VPS39: variants seen among roughly 807,000 people sequenced by gnomAD.
VPS39 encodes vam6/Vps39-like protein.
Under a neutral mutation model 121.0 loss-of-function variants are expected in VPS39, and 70 were observed. The observed-to-expected ratio is 0.58, with a 90% CI of 0.48 to 0.71. The LOEUF (loss-of-function observed/expected upper bound fraction) is 0.71. Ranked by LOEUF, VPS39 falls within the 30% of genes least tolerant of loss-of-function variation. The pLI, the probability that VPS39 is intolerant of heterozygous loss-of-function variation, is 0.00. For synonymous variants in VPS39, 378 were observed against 398.1 expected (o/e 0.95, Z 0.60); for missense variants, 818 against 1,051.5 (o/e 0.78, Z 3.07).
chr15:42,179,988 T>C (rs2049548762), intron 8 of VPS39, among the ~76,000 whole-genome samples: 1 of 152,196 alleles, frequency 6.6e-6, no homozygotes, highest in Non-Finnish European at 1.5e-5. Flanking sequence ...GAGCTCATCT[T>C]TCTCTTACCC....
At chr15:42,183,302 A>G (rs2049626670) in intron 8 of VPS39, among the ~76,000 whole-genome samples, 1 of 149,968 alleles carries the variant, frequency 6.7e-6, no homozygotes, top group African/African-American at 2.5e-5. Context: ...GGGTTTCACC[A>G]TGTTGCCCAG....
chr15:42,175,276 C>T (rs765267975), intron 10 of VPS39, among the ~76,000 whole-genome samples: 4 of 151,880 alleles, frequency 2.6e-5, no homozygotes, highest in South Asian at 2.1e-4. Context: ...GGCGTGGTGG[C>T]GCACGCCTGT....
chr15:42,176,512 T>C (rs1403564471), intron 10 of VPS39, among the ~76,000 whole-genome samples: 1 of 151,942 alleles, frequency 6.6e-6, no homozygotes. Flanking sequence ...AAAGTTATGG[T>C]TCTTGGGTAG....
At chr15:42,177,162 TAAAAAAAAAAAAA>T (rs369967285) in intron 10 of VPS39, among the ~76,000 whole-genome samples, 6 of 56,414 alleles carry the variant, frequency 1.1e-4, no homozygotes, top group African/African-American at 2.5e-4. Flanking sequence ...GACCCTGTTT[TAAAAAAAAAAAAA>T]AAAAAAAAAA....
At position 42,187,325 on chromosome 15, in the gene VPS39, C is replaced by T. The variant is rs149434119; in HGVS notation, c.480G>A (p.Ala160=). 2.6e-4 allele frequency: 419 copies of T among 1,613,610 alleles called. No homozygotes were observed. The highest frequency in any genetic ancestry group is 1.4e-3 in the South Asian group (123 of 90,942). The part of the protein sequence containing the change: ...FSVPDVPKSM[A]WCENSICVGF... Reference sequence around the variant, plus strand: ...CCACACAGATAGAATTTTCACACCACGCCATGGACTTGGGCACATCTGGCA... The same window carrying T: ...CCACACAGATAGAATTTTCACACCATGCCATGGACTTGGGCACATCTGGCA... Residue 160 remains alanine, a synonymous_variant, in exon 7 of 25, where the codon GCG becomes GCA. Transcript: ENST00000318006.
intron 12 of VPS39, among the ~76,000 whole-genome samples, chr15:42,168,536 ACTT>A (rs1480877020): frequency 2.2e-3 from 325 of 148,100 alleles, no homozygotes; most frequent in African/African-American, 7.3e-3. Context: ...TTCCAGCAAT[ACTT>A]CTTCTTTTTT....
chr15:42,203,387 C>A (rs2050105502), intron 1 of VPS39, among the ~76,000 whole-genome samples: 1 of 151,766 alleles, frequency 6.6e-6, no homozygotes, highest in African/African-American at 2.4e-5. Context: ...GGCAAGAGAA[C>A]TGCATGAACC....
chr15:42,176,293 A>T (rs2049450001), intron 10 of VPS39, among the ~76,000 whole-genome samples: 1 of 152,182 alleles, frequency 6.6e-6, no homozygotes. Flanking sequence ...CAAAAACTAA[A>T]TACATTACTT....
At chr15:42,171,976 C>T (rs1485358860) in intron 11 of VPS39, among the ~76,000 whole-genome samples, 1 of 152,174 alleles carries the variant, frequency 6.6e-6, no homozygotes, top group African/African-American at 2.4e-5. Context: ...AGACCATGAC[C>T]TAATCCTGGC....
At chr15:42,195,088 A>G (rs1268130502) in intron 2 of VPS39, among the ~76,000 whole-genome samples, 1 of 152,192 alleles carries the variant, frequency 6.6e-6, no homozygotes, top group African/African-American at 2.4e-5. Context: ...TGACTGAAAT[A>G]AACCTAGAGT....
intron 12 of VPS39, 123 bp downstream of exon 12, chr15:42,169,601 C>CT: frequency 8.8e-7 from 1 of 1,138,568 alleles, no homozygotes; most frequent in East Asian, 2.6e-5. Flanking sequence ...CCCAGGCAGA[C>CT]TTCCTACAGC....
At chr15:42,165,923 G>T in intron 16 of VPS39, 107 bp from the exon 17 acceptor site, 2 of 1,092,228 alleles carry the variant, frequency 1.8e-6, no homozygotes, top group Non-Finnish European at 2.7e-6. Flanking sequence ...GAGGGCAAGG[G>T]TACGAGAAGG....
At chr15:42,179,807 T>C (rs1032932396) in intron 8 of VPS39, among the ~76,000 whole-genome samples, 2 of 152,084 alleles carry the variant, frequency 1.3e-5, no homozygotes, top group African/African-American at 4.8e-5. Flanking sequence ...GCTATTTTTA[T>C]TCCCTCCCCA....
rs895299104 is a variant in VPS39 at position 42,159,062 on chromosome 15, C to T, written c.*1692G>A. The T allele has an allele frequency of 3.3e-5, 5 of 152,218 alleles. No individual in the cohort carries two copies. The East Asian group carries it at 7.7e-4, about 23-fold the overall frequency. The allele number at this position is 152,218 out of a possible 1,614,324, so 9.4% of individuals were successfully genotyped here. A position where few individuals can be genotyped will look rare whatever the true frequency, so the allele number is the denominator to read the frequency against. ...GTCCAAGCTGGCCCAGATGAGGCCC[C>T]GGGCAGCACTGCTTCTGTGTGGGTA... is the stretch of plus-strand genomic sequence containing the variant. On this transcript the variant is annotated 3_prime_UTR_variant, in exon 25 of 25. Transcript: ENST00000318006.
intron 2 of VPS39, among the ~76,000 whole-genome samples, chr15:42,197,763 AC>A (rs2049974022): frequency 6.6e-6 from 1 of 152,058 alleles, no homozygotes; most frequent in African/African-American, 2.4e-5. Context: ...TCTTTTCTTG[AC>A]CCTATTATCC....
chr15:42,165,115 T>G lies in VPS39; in HGVS notation c.1780-2A>C. The G allele has an allele frequency of 6.2e-7, 1 of 1,613,926 alleles. No homozygotes were observed. The highest frequency in any genetic ancestry group is 1.3e-5 in the African/African-American group (1 of 75,054). On this transcript the variant is annotated splice_acceptor_variant, in intron 17 of 24. Coordinates refer to ENST00000318006, the MANE Select transcript of VPS39 (RefSeq NM_015289.5). LOFTEE classifies it high-confidence loss of function. ...CTCCCAAACATGGATGATGTGTTCC[T>G]GAGGCAAGATGTAGGTCTTTGTCAC...
At chr15:42,200,631 T>A (rs1270342612) in intron 1 of VPS39, among the ~76,000 whole-genome samples, 1 of 152,178 alleles carries the variant, frequency 6.6e-6, no homozygotes, top group Non-Finnish European at 1.5e-5. Flanking sequence ...GAGAGCCACT[T>A]TGGAAAAGTC....
intron 8 of VPS39, among the ~76,000 whole-genome samples, chr15:42,182,577 G>A (rs1166580241): frequency 6.6e-6 from 1 of 152,214 alleles, no homozygotes; most frequent in Non-Finnish European, 1.5e-5. Context: ...ATGTAGTAAG[G>A]ACTCAAAGTG....
At chr15:42,192,482 G>C (rs1035894019) in intron 2 of VPS39, among the ~76,000 whole-genome samples, 1 of 152,126 alleles carries the variant, frequency 6.6e-6, no homozygotes, top group Non-Finnish European at 1.5e-5. Flanking sequence ...TCATGGACAG[G>C]ATGCTCGCAC....
Sources: allele counts gnomAD v4.1 joint callset (sites outside exome capture counted in the v4.1 genomes callset), GRCh38; gene constraint gnomAD v4.1.1; transcripts MANE v1.5; gene names NCBI Gene and HGNC (gene_info 2026-07-23, HGNC 2026-07-21).